ABCA6: variants seen among roughly 807,000 people sequenced by gnomAD.
ABCA6 encodes the protein ATP binding cassette subfamily A member 6.
A neutral mutation model predicts 191.2 loss-of-function variants in ABCA6; 164 were observed. That is an observed-to-expected ratio of 0.86 (90% CI 0.76 to 0.98). The LOEUF (loss-of-function observed/expected upper bound fraction) is 0.98. Among genes scored for constraint, ABCA6 ranks in the 50% least tolerant of loss-of-function variants. ABCA6 has a pLI of 0.00. For synonymous variants in ABCA6, 636 were observed against 647.7 expected, an observed-to-expected ratio of 0.98 and a Z score of 0.27; for missense variants, 1,958 against 1,894.1, an observed-to-expected ratio of 1.03 and a Z score of -0.63.
chr17:69,105,726 T>C (rs1289323322), intron 19 of ABCA6, 98 bp from the exon 20 acceptor site: 2 of 958,166 alleles, frequency 2.1e-6, no homozygotes, highest in Non-Finnish European at 3.1e-6. Context: ...GCCTGCCTTA[T>C]GCCAATCATG....
chr17:69,088,347 G>T, intron 27 of ABCA6, 89 bp from the exon 28 acceptor site: 1 of 1,024,808 alleles, frequency 9.8e-7, no homozygotes, highest in Non-Finnish European at 1.4e-6. Flanking sequence ...TTTTGTCTTT[G>T]GGTAAATAGT....
intron 25 of ABCA6, chr17:69,094,339 G>A (rs1175316637): frequency 6.6e-6 from 1 of 152,232 alleles, no homozygotes; most frequent in Non-Finnish European, 1.5e-5. Flanking sequence ...TTGAAGGAAA[G>A]TTCCTCTCAC....
At chr17:69,110,596 C>A (rs2073403453) in intron 17 of ABCA6, 2 of 498,126 alleles carry the variant, frequency 4.0e-6, no homozygotes, top group African/African-American at 2.0e-5. Context: ...TCCCTTCCCT[C>A]TCTCCTGTCC....
chr17:69,113,993 C>G (rs62082732), intron 13 of ABCA6, among the ~76,000 whole-genome samples: 8 of 152,040 alleles, frequency 5.3e-5, no homozygotes, highest in African/African-American at 9.7e-5. Flanking sequence ...AACCATTGTG[C>G]AAGTCAGTGT....
intron 6 of ABCA6, among the ~76,000 whole-genome samples, chr17:69,132,708 G>T (rs772469380): frequency 1.1e-4 from 17 of 152,150 alleles, no homozygotes; most frequent in South Asian, 4.1e-4. Context: ...TCGAACTCCC[G>T]ACCTCAGGTG....
Position 69,081,137 on chromosome 17 carries a change from G to A in ABCA6, c.4625C>T (p.Ser1542Phe), listed in dbSNP as rs775924900. The change falls in exon 37 of 39, where the codon TCT (serine) becomes TTT (phenylalanine). Residue 1542 changes from serine (S) to phenylalanine (F), a missense_variant. Transcript: ENST00000284425. ...CACGGGCAGCTTATAGGTTAACAAA[G>A]AGGAATACCTGAAAACAGGAAGATG... ...PQAAGQERYS[S>F]LLTYKLPVAD... is the part of the protein sequence containing the mutation. 8 of 1,587,156 alleles carry A rather than the reference G, an allele frequency of 5.0e-6. No homozygotes were observed. In the East Asian group the frequency reaches 1.6e-4, roughly 31 times the overall value.
rs1296496753 is a variant in ABCA6, at chr17:69,134,675, C to T, written c.528G>A (p.Val176=). Reference sequence around the variant, plus strand: ...CAGTATTAATAGCTGTTTGTAAAGCCACAAATCCTCTATTCCAGTATTTGG... The same window carrying T: ...CAGTATTAATAGCTGTTTGTAAAGCTACAAATCCTCTATTCCAGTATTTGG... ...TLTKYWNRGF[V]ALQTAINTAI... The change falls in exon 5 of 39, where the codon GTG becomes GTA. Residue 176 remains valine, a synonymous_variant. Coordinates refer to ENST00000284425, the MANE Select transcript of ABCA6 (RefSeq NM_080284.3). 11 of 1,613,524 alleles carry T rather than the reference C, an allele frequency of 6.8e-6. 1 individual carries two copies. The South Asian group carries it at 1.2e-4, about 18-fold the overall frequency.
intron 2 of ABCA6, among the ~76,000 whole-genome samples, chr17:69,138,850 A>T (rs2073987573): frequency 6.6e-6 from 1 of 151,658 alleles, no homozygotes; most frequent in Non-Finnish European, 1.5e-5. Context: ...TGGGGAAAGG[A>T]TTCCCTATTT....
At chr17:69,113,416 G>A (rs2073471085) in intron 14 of ABCA6, 56 bp from the exon 15 acceptor site, 1 of 1,549,062 alleles carries the variant, frequency 6.5e-7, no homozygotes, top group Non-Finnish European at 8.7e-7. Context: ...ACTGTATCCA[G>A]AAGATAGCAT....
In ABCA6 at chr17:69,112,270, C is replaced by G; in HGVS notation, c.2045G>C (p.Arg682Thr). The change falls in exon 16 of 39, where the codon AGA (arginine) becomes ACA (threonine). Residue 682 changes from arginine to threonine, a missense_variant. Transcript: ENST00000284425. ...SMDEADILAD[R>T]KVIMSNGRLK... is the part of the protein sequence containing the mutation. ...TCTCCCATTGGACATGATCACTTTTCTATCTGAATGAAAGAAATCAAGGGA... is the reference window on the plus strand; with the variant it reads ...TCTCCCATTGGACATGATCACTTTTGTATCTGAATGAAAGAAATCAAGGGA... 1 of 1,609,548 alleles carries G rather than the reference C, an allele frequency of 6.2e-7. No homozygotes were observed. The highest frequency in any genetic ancestry group is 8.5e-7 in the Non-Finnish European group (1 of 1,176,776).
chr17:69,133,950 T>C (rs763738516), intron 5 of ABCA6, 83 bp from the exon 6 acceptor site: 90 of 996,144 alleles, frequency 9.0e-5, no homozygotes, highest in Non-Finnish European at 1.1e-4. Flanking sequence ...GTATTTTACT[T>C]ATGTCGGTTC....
At chr17:69,101,055 T>A in intron 21 of ABCA6, 121 bp from the exon 22 acceptor site, 1 of 832,604 alleles carries the variant, frequency 1.2e-6, no homozygotes, top group Non-Finnish European at 1.8e-6. Context: ...TCAAGTGAAC[T>A]AAACTTTCTG....
intron 20 of ABCA6, among the ~76,000 whole-genome samples, chr17:69,103,335 A>G (rs141747440): frequency 1.4e-3 from 210 of 152,342 alleles, no homozygotes; most frequent in African/African-American, 4.9e-3. Context: ...AAAACAGCCA[A>G]TGATAACACT....
intron 17 of ABCA6, chr17:69,110,441 C>G (rs1197745329): frequency 2.4e-5 from 5 of 207,566 alleles, no homozygotes; most frequent in Non-Finnish European, 4.8e-5. Flanking sequence ...GGATAGGGAA[C>G]AGTGGGTAAG....
intron 6 of ABCA6, among the ~76,000 whole-genome samples, chr17:69,132,256 G>A (rs2073876999): frequency 6.6e-6 from 1 of 152,088 alleles, no homozygotes; most frequent in Non-Finnish European, 1.5e-5. Context: ...GGCATAGATA[G>A]AAAAACATCT....
chr17:69,097,980 T>C lies in ABCA6; in HGVS notation c.3060A>G (p.Leu1020=), dbSNP rs557572033. 3 of 1,611,462 alleles carry C rather than the reference T, an allele frequency of 1.9e-6. No homozygotes were observed. The highest frequency in any genetic ancestry group is 1.7e-5 in the Admixed American group (1 of 59,484). ...GAGAAATGCTACATAGAACCAAAAATAAGAAAAAGGAACCATCCGGCAACC... is the reference window on the plus strand; with the variant it reads ...GAGAAATGCTACATAGAACCAAAAACAAGAAAAAGGAACCATCCGGCAACC... ...WTGLPDGSFF[L]FLVLCSISPY... The change falls in exon 23 of 39, where the codon TTA becomes TTG. Residue 1020 remains leucine (L), a synonymous_variant. Coordinates refer to ENST00000284425, the MANE Select transcript of ABCA6 (RefSeq NM_080284.3).
chr17:69,134,338 G>C (rs1225939884), intron 5 of ABCA6, among the ~76,000 whole-genome samples: 1 of 152,092 alleles, frequency 6.6e-6, no homozygotes. Context: ...TTAGTGCCTT[G>C]TAAAAGGCTA....
intron 15 of ABCA6, chr17:69,112,899 G>T: frequency 6.0e-6 from 1 of 167,884 alleles, no homozygotes; most frequent in Non-Finnish European, 1.3e-5. Flanking sequence ...TAAATTACAT[G>T]GTATACTGTA....
chr17:69,134,419 T>TA (rs2073916306), intron 5 of ABCA6, among the ~76,000 whole-genome samples: 1 of 152,182 alleles, frequency 6.6e-6, no homozygotes, highest in African/African-American at 2.4e-5. Flanking sequence ...CGGTGCTATC[T>TA]ATGAGGAATG....
Sources: allele counts gnomAD v4.1 joint callset (sites outside exome capture counted in the v4.1 genomes callset), GRCh38; gene constraint gnomAD v4.1.1; transcripts MANE v1.5; gene names NCBI Gene and HGNC (gene_info 2026-07-23, HGNC 2026-07-21).